Variants in LMLN observed in about 807,000 individuals in gnomAD.
LMLN encodes leishmanolysin-like peptidase.
In LMLN, 70 loss-of-function variants were observed where a neutral mutation model predicts 92.3. The observed-to-expected ratio is 0.76, with a 90% CI of 0.63 to 0.92. The LOEUF is 0.92. Ranked by LOEUF, LMLN falls within the 40% of genes least tolerant of loss-of-function variation. The pLI is 0.00. For missense variants in LMLN, 691 were observed against 814.6 expected, an observed-to-expected ratio of 0.85 and a Z score of 1.85; for synonymous variants, 308 against 296.2, an observed-to-expected ratio of 1.04 and a Z score of -0.41.
intron 1 of LMLN, among the ~76,000 whole-genome samples, chr3:197,970,778 A>C (rs968117651): frequency 6.6e-6 from 1 of 152,246 alleles, no homozygotes; most frequent in African/African-American, 2.4e-5. Flanking sequence ...CTTCCTACAG[A>C]GAGCAGCAAT....
intron 1 of LMLN, among the ~76,000 whole-genome samples, chr3:197,960,901 A>G (rs1720852191): frequency 6.6e-6 from 1 of 152,160 alleles, no homozygotes; most frequent in Admixed American, 6.5e-5. Context: ...AGAGCCAGAT[A>G]GAGGCGTTGG....
At chr3:198,036,222 A>G (rs946022005) in intron 15 of LMLN, among the ~76,000 whole-genome samples, 179 bp downstream of exon 16, 1 of 152,210 alleles carries the variant, frequency 6.6e-6, no homozygotes, top group African/African-American at 2.4e-5. Context: ...AGGTAGGTCA[A>G]CTTGACACTT....
chr3:197,968,173 G>A (rs2109845229), intron 1 of LMLN, among the ~76,000 whole-genome samples: 1 of 152,244 alleles, frequency 6.6e-6, no homozygotes, highest in Non-Finnish European at 1.5e-5. Flanking sequence ...GGCGTAAGAA[G>A]TTATAAGAGT....
intron 8 of LMLN, among the ~76,000 whole-genome samples, chr3:197,987,571 C>T (rs1208556402): frequency 6.6e-6 from 1 of 151,692 alleles, no homozygotes; most frequent in Non-Finnish European, 1.5e-5. Context: ...GGGAATAAGC[C>T]AGAAAAAAAA....
chr3:197,991,111 CTTTT>C (rs56713833), intron 9 of LMLN, among the ~76,000 whole-genome samples: 7 of 137,876 alleles, frequency 5.1e-5, no homozygotes, highest in South Asian at 2.3e-4. Context: ...TTCTTTCTTT[CTTTT>C]TTTTTTTTTT....
At chr3:197,966,869 A>G (rs1721074689) in intron 1 of LMLN, among the ~76,000 whole-genome samples, 2 of 152,028 alleles carry the variant, frequency 1.3e-5, no homozygotes, top group African/African-American at 4.8e-5. Context: ...ATAGCTCACT[A>G]TACAGCCTTA....
intron 1 of LMLN, among the ~76,000 whole-genome samples, chr3:197,970,468 C>G (rs566021390): frequency 1.3e-5 from 2 of 152,282 alleles, no homozygotes; most frequent in African/African-American, 4.8e-5. Context: ...AGAGTCCTCT[C>G]CTAGTAGAGT....
At chr3:197,975,056 A>C in exon 3 of LMLN, 2 of 1,489,488 alleles carry the variant, frequency 1.3e-6, no homozygotes, top group Non-Finnish European at 9.3e-7. Flanking sequence ...CTCCCTGAGA[A>C]AAAGAATCTT....
intron 6 of LMLN, chr3:197,980,775 A>G (rs1325539738): frequency 3.3e-6 from 1 of 307,104 alleles, no homozygotes; most frequent in African/African-American, 2.2e-5. Flanking sequence ...TTCCATTTTG[A>G]TCCTATCGTT....
chr3:198,025,860 T>G lies in LMLN; in HGVS notation c.1656+1072T>G, dbSNP rs1370533471. Among the ~76,000 whole-genome samples, 1 of 152,214 alleles carries G rather than the reference T, an allele frequency of 6.6e-6. No homozygotes were observed. Among genetic ancestry groups the G allele is most frequent in the African/African-American group, 2.4e-5 (1 of 41,460 alleles). ...GCAGAATCAGCATTCCTGTGCCATT[T>G]CAGCTGCAAGAGCTAAACGGACCTT... On this transcript the variant is annotated intron_variant, in intron 14 of 15. Transcript: ENST00000330198. This position sits in a 1 kb window ranked among gnomAD's most constrained non-coding sequence, Gnocchi z 4.3.
At chr3:198,036,358 T>C (rs905754041) in intron 15 of LMLN, among the ~76,000 whole-genome samples, 1 of 152,166 alleles carries the variant, frequency 6.6e-6, no homozygotes, top group Non-Finnish European at 1.5e-5. Context: ...GTAAACAAAA[T>C]TCTGCTCATT....
intron 1 of LMLN, among the ~76,000 whole-genome samples, chr3:197,961,595 TC>T (rs1720888046): frequency 6.6e-6 from 1 of 152,156 alleles, no homozygotes; most frequent in Non-Finnish European, 1.5e-5. Context: ...AGAGTCCTGG[TC>T]CCTAATACGT....
intron 8 of LMLN, among the ~76,000 whole-genome samples, chr3:197,987,996 C>G (rs1721759113): frequency 6.6e-6 from 1 of 152,084 alleles, no homozygotes; most frequent in Non-Finnish European, 1.5e-5. Flanking sequence ...TTAATTTTCC[C>G]TTTCTAATCA....
intron 5 of LMLN, 125 bp from the exon 6 acceptor site, chr3:197,980,201 A>G (rs929613033): frequency 1.4e-6 from 1 of 721,058 alleles, no homozygotes; most frequent in Non-Finnish European, 2.2e-6. Context: ...GATTTTGATA[A>G]AAGTTTAGGG....
At chr3:198,012,406 G>C (rs1189649867) in intron 11 of LMLN, among the ~76,000 whole-genome samples, 1 of 152,164 alleles carries the variant, frequency 6.6e-6, no homozygotes, top group Admixed American at 6.5e-5. Context: ...GTTAAGTCCT[G>C]TTGGTTGATG....
chr3:197,988,204 G>A (rs190737672), intron 8 of LMLN, among the ~76,000 whole-genome samples: 3 of 150,436 alleles, frequency 2.0e-5, no homozygotes, highest in Non-Finnish European at 4.4e-5. Flanking sequence ...GGTGGGTCTC[G>A]AACTCCTGGG....
At chr3:198,009,601 G>A (rs1722380005) in intron 11 of LMLN, among the ~76,000 whole-genome samples, 1 of 152,172 alleles carries the variant, frequency 6.6e-6, no homozygotes, top group African/African-American at 2.4e-5. Context: ...TGGGCCTGGA[G>A]ATTTCTCTTT....
At chr3:197,963,159 TG>T (rs1455355054) in intron 1 of LMLN, among the ~76,000 whole-genome samples, 14 of 152,062 alleles carry the variant, frequency 9.2e-5, no homozygotes, top group Non-Finnish European at 1.3e-4. Flanking sequence ...TCAGCAAAAA[TG>T]TATAGATCTT....
intron 13 of LMLN, 35 bp from the exon 15 acceptor site, chr3:198,024,623 T>C (rs1722876104): frequency 1.3e-6 from 2 of 1,523,666 alleles, no homozygotes; most frequent in Middle Eastern, 1.7e-4. Context: ...GAGCCAAAAG[T>C]CAATTTTTAA....
Sources: gnomAD v4.1 joint callset for allele counts (sites outside exome capture counted in the v4.1 genomes callset) on GRCh38, gnomAD v4.1.1 for gene constraint, Gnocchi (gnomAD v3.1) non-coding constraint, MANE v1.5 for transcripts, NCBI Gene and HGNC (gene_info 2026-07-23, HGNC 2026-07-21) for gene names.